The following CRYAB variants were observed in gnomAD, a reference collection of about 807,000 sequenced individuals.
CRYAB encodes the protein alpha-crystallin B chain.
In CRYAB, 9 loss-of-function variants were observed where a neutral mutation model predicts 12.7. That is an observed-to-expected ratio of 0.71 (90% CI 0.43 to 1.24). CRYAB has a LOEUF of 1.24. Among genes scored for constraint, CRYAB ranks in the 50% most tolerant of loss-of-function variants. The pLI, the probability that CRYAB is intolerant of heterozygous loss-of-function variation, is 0.00. For synonymous variants in CRYAB, 93 were observed against 86.8 expected (o/e 1.07, Z -0.40); for missense variants, 183 against 226.6 (o/e 0.81, Z 1.24).
chr11:111,918,697 T>TGAAGCTC, intron 1 of CRYAB: 1 of 684,070 alleles, frequency 1.5e-6, no homozygotes, highest in Non-Finnish European at 2.7e-6. Flanking sequence ...TATTGAAGCT[T>TGAAGCTC]GAAGCTCAAG....
intron 1 of CRYAB, 42 bp from the exon 2 acceptor site, chr11:111,910,491 GC>G: frequency 6.2e-7 from 1 of 1,612,402 alleles, no homozygotes; most frequent in Non-Finnish European, 8.5e-7. Context: ...GAGAAAGAGG[GC>G]AAAAATACTG....
At chr11:111,911,871 A>G, upstream of CRYAB, 1 of 641,248 alleles carries the variant, frequency 1.6e-6, no homozygotes, top group Admixed American at 2.6e-5. Context: ...CAGTTCATGG[A>G]GACTTGTGAT....
chr11:111,919,076 G>A, intron 1 of CRYAB: 1 of 1,559,846 alleles, frequency 6.4e-7, no homozygotes. Flanking sequence ...AAAATCAGAG[G>A]ACCTGGAGAT....
At chr11:111,920,933 G>A (rs1445563427) in intron 1 of CRYAB, among the ~76,000 whole-genome samples, 4 of 152,176 alleles carry the variant, frequency 2.6e-5, no homozygotes, top group African/African-American at 9.7e-5. Context: ...CCTACATTGT[G>A]TAGATCACAG....
At chr11:111,915,252 C>G (rs1320805126), upstream of CRYAB, among the ~76,000 whole-genome samples, 1 of 152,166 alleles carries the variant, frequency 6.6e-6, no homozygotes, top group Non-Finnish European at 1.5e-5. Context: ...TCACATACCC[C>G]CCTTAGGGAT....
At chr11:111,910,599 T>G in intron 1 of CRYAB, 150 bp from the exon 2 acceptor site, 1 of 1,004,986 alleles carries the variant, frequency 1.0e-6, no homozygotes. Flanking sequence ...TAAATAAACA[T>G]AGCTGTCTGC....
upstream of CRYAB, chr11:111,913,699 G>A: frequency 6.2e-7 from 1 of 1,614,134 alleles, no homozygotes; most frequent in Non-Finnish European, 8.5e-7. Context: ...CGAGAGTTCT[G>A]CCGCACCTAT....
At position 111,910,079 on chromosome 11, in the gene CRYAB, T is replaced by TG. The variant is rs1965404463; in HGVS notation, c.324+247dup. ...CCAGATTCAGAACCACTGGCTTAAA[T>TG]GGGGCATCAGCATCCCATCATCCCA... On this transcript the variant is annotated intron_variant, in intron 2 of 2. Transcript: ENST00000650687. The TG allele has an allele frequency of 3.8e-5, 25 of 652,414 alleles. No homozygotes were observed. The South Asian group carries it at 3.8e-4, about 10-fold the overall frequency. The allele number at this position is 652,414 out of a possible 1,614,324, so 40.4% of individuals were successfully genotyped here.
rs944364046 is a variant in CRYAB, at chr11:111,911,626, C to T, written c.99G>A (p.Leu33=). 1 of 1,612,546 alleles carries T rather than the reference C, an allele frequency of 6.2e-7. No individual in the cohort carries two copies. Among genetic ancestry groups the T allele is most frequent in the Non-Finnish European group, 8.5e-7 (1 of 1,179,456 alleles). Residue 33 remains leucine, a synonymous_variant, in exon 1 of 3, where the codon TTG becomes TTA. Transcript: ENST00000650687. ...TAGACGTCGGGAAAAGATCAGACTCCAACAGGTGCTCTCCGAAGAACTGGT... is the reference window on the plus strand; with the variant it reads ...TAGACGTCGGGAAAAGATCAGACTCTAACAGGTGCTCTCCGAAGAACTGGT... ...LFDQFFGEHL[L]ESDLFPTSTS...
intron 1 of CRYAB, among the ~76,000 whole-genome samples, chr11:111,920,173 T>C (rs1965668060): frequency 6.6e-6 from 1 of 151,680 alleles, no homozygotes; most frequent in African/African-American, 2.4e-5. Flanking sequence ...CCACCCTGGG[T>C]GACAGAGCAA....
chr11:111,912,699 G>C (rs1157475918), upstream of CRYAB: 3 of 374,000 alleles, frequency 8.0e-6, no homozygotes, highest in South Asian at 3.2e-5. Flanking sequence ...CAAGAGGCTC[G>C]GCACTATTTT....
chr11:111,916,476 G>A (rs1166971110), upstream of CRYAB, among the ~76,000 whole-genome samples: 1 of 152,124 alleles, frequency 6.6e-6, no homozygotes, highest in Non-Finnish European at 1.5e-5. Flanking sequence ...GCCCACCTCG[G>A]CCTCCCAACA....
At chr11:111,919,467 C>G (rs1284403377) in intron 1 of CRYAB, among the ~76,000 whole-genome samples, 1 of 150,858 alleles carries the variant, frequency 6.6e-6, no homozygotes, top group East Asian at 1.9e-4. Context: ...GCGAGACTGT[C>G]TCAACAACAA....
At position 111,910,383 on chromosome 11, in the gene CRYAB, T is replaced by C; in HGVS notation, c.268A>G (p.Lys90Glu). ...ATCACATCTCCCAACACCTTAACTT[T>C]GAGTTCCTCTGGGGAGAAGTGCTTC... is the stretch of plus-strand genomic sequence containing the variant. ...DVKHFSPEEL[K>E]VKVLGDVIEV... Residue 90 changes from lysine to glutamate, a missense_variant, in exon 2 of 3, where the codon AAA becomes GAA. By Grantham distance (56) the Lys-to-Glu change is moderately conservative (BLOSUM62 1). Transcript: ENST00000650687. The C allele has an allele frequency of 6.2e-7, 1 of 1,614,230 alleles. No homozygotes were observed. The highest frequency in any genetic ancestry group is 8.5e-7 in the Non-Finnish European group (1 of 1,180,046).
chr11:111,909,966 C>T, intron 2 of CRYAB: 1 of 591,736 alleles, frequency 1.7e-6, no homozygotes, highest in Middle Eastern at 4.5e-4. Flanking sequence ...TGGAGTAGTG[C>T]TCGCTTCGGC....
upstream of CRYAB, chr11:111,911,912 T>C (rs1555165646): frequency 1.7e-6 from 1 of 600,118 alleles, no homozygotes; most frequent in Non-Finnish European, 3.0e-6. Flanking sequence ...ACATACCCAG[T>C]ACTCACTGAG....
At chr11:111,923,070 A>T (rs1965726024) in intron 1 of CRYAB, among the ~76,000 whole-genome samples, 1 of 152,240 alleles carries the variant, frequency 6.6e-6, no homozygotes, top group Non-Finnish European at 1.5e-5. Context: ...TATGTATTTT[A>T]GGACTAATAT....
chr11:111,918,897 G>T, intron 1 of CRYAB: 1 of 1,578,172 alleles, frequency 6.3e-7, no homozygotes, highest in South Asian at 1.1e-5. Flanking sequence ...GCCGCGGAAA[G>T]CTCAACCAGG....
chr11:111,920,495 G>A (rs965350101), intron 1 of CRYAB, among the ~76,000 whole-genome samples: 5 of 151,886 alleles, frequency 3.3e-5, no homozygotes, highest in Admixed American at 6.6e-5. Flanking sequence ...CTGAGATTGC[G>A]CCACTGCAGT....
Sources: allele counts gnomAD v4.1 joint callset (sites outside exome capture counted in the v4.1 genomes callset), GRCh38; gene constraint gnomAD v4.1.1; transcripts MANE v1.5; gene names NCBI Gene and HGNC (gene_info 2026-07-23, HGNC 2026-07-21).